PREP: variants seen among roughly 807,000 people sequenced by gnomAD.
The protein encoded by PREP is prolyl endopeptidase.
In PREP, 29 loss-of-function variants were observed where a neutral mutation model predicts 87.6. That is an observed-to-expected ratio of 0.33 (90% CI 0.25 to 0.45). PREP has a LOEUF of 0.45. PREP is among the 20% of genes least tolerant of loss of function. The probability of loss-of-function intolerance (pLI) is 1.00; values close to 1 mark genes in which losing one functional copy is unlikely to be tolerated. For synonymous variants in PREP, 337 were observed against 328.6 expected (o/e 1.03, Z -0.28); for missense variants, 695 against 886.5 (o/e 0.78, Z 2.74).
chr6:105,347,687 T>C (rs980758335), intron 7 of PREP, among the ~76,000 whole-genome samples: 1 of 152,134 alleles, frequency 6.6e-6, no homozygotes, highest in Non-Finnish European at 1.5e-5. Context: ...ATTTTGTCTA[T>C]GTAACTAAAG....
intron 7 of PREP, among the ~76,000 whole-genome samples, chr6:105,346,193 G>A (rs1321802141): frequency 6.6e-6 from 1 of 152,114 alleles, no homozygotes; most frequent in East Asian, 1.9e-4. Flanking sequence ...GCTAAGCTTT[G>A]GACAGCTCCT....
intron 4 of PREP, among the ~76,000 whole-genome samples, chr6:105,374,879 A>G (rs1772649091): frequency 6.6e-6 from 1 of 152,030 alleles, no homozygotes; most frequent in Non-Finnish European, 1.5e-5. Context: ...TCGCCCATCA[A>G]GGCTTTGTCC....
intron 5 of PREP, among the ~76,000 whole-genome samples, chr6:105,373,036 C>T (rs1772597976): frequency 6.6e-6 from 1 of 152,204 alleles, no homozygotes; most frequent in Admixed American, 6.5e-5. Context: ...GTCTGCTAGT[C>T]GTCCCAGCTG....
At chr6:105,290,393 CAT>C (rs1475872731) in intron 10 of PREP, among the ~76,000 whole-genome samples, 1 of 152,130 alleles carries the variant, frequency 6.6e-6, no homozygotes, top group East Asian at 1.9e-4. Flanking sequence ...AACCGTCTCA[CAT>C]GATGCTACCT....
intron 11 of PREP, 56 bp from the exon 12 acceptor site, chr6:105,285,636 CCTCT>C: frequency 7.1e-7 from 1 of 1,409,498 alleles, no homozygotes; most frequent in Admixed American, 1.7e-5. Flanking sequence ...AAGACCATGC[CCTCT>C]CTCTCCATCT....
chr6:105,381,606 C>A (rs115847836), intron 2 of PREP, among the ~76,000 whole-genome samples: 3 of 152,142 alleles, frequency 2.0e-5, no homozygotes, highest in African/African-American at 7.2e-5. Flanking sequence ...CCCTGATGCA[C>A]GCAGCTGAGC....
intron 7 of PREP, among the ~76,000 whole-genome samples, chr6:105,351,107 T>C (rs1218704858): frequency 1.3e-5 from 2 of 152,224 alleles, no homozygotes; most frequent in African/African-American, 4.8e-5. Context: ...TTGGCTAGGC[T>C]AGTATGCCTC....
chr6:105,371,477 G>A (rs2114706567), intron 5 of PREP, among the ~76,000 whole-genome samples: 1 of 136,094 alleles, frequency 7.3e-6, no homozygotes, highest in Non-Finnish European at 1.5e-5. Context: ...CTCCAGCCTG[G>A]GTGACACAGT....
chr6:105,313,575 A>G (rs1770802321), intron 10 of PREP, among the ~76,000 whole-genome samples: 1 of 152,206 alleles, frequency 6.6e-6, no homozygotes, highest in African/African-American at 2.4e-5. Context: ...TGCTAATCCT[A>G]TTAATTGTCT....
intron 4 of PREP, among the ~76,000 whole-genome samples, chr6:105,375,245 G>A (rs1352203876): frequency 6.6e-6 from 1 of 152,078 alleles, no homozygotes; most frequent in East Asian, 1.9e-4. Flanking sequence ...ATGGAACGGG[G>A]CTCTATAACT....
rs112063594 is a variant in PREP at position 105,294,142 on chromosome 6, G to T, written c.1318-5248C>A. The stretch of plus-strand genomic sequence containing the variant: ...ATCAGAGTCTACACCAGTGGTTTTT[G>T]AGCCTTATTGACTGGGCCTACATAT... On this transcript the variant is annotated intron_variant, in intron 10 of 14. Coordinates refer to ENST00000652536, the MANE Select transcript of PREP (RefSeq NM_002726.5). Among the ~76,000 whole-genome samples, 815 of 152,266 alleles carry T rather than the reference G, an allele frequency of 5.4e-3. 4 individuals carry two copies. Among genetic ancestry groups the T allele is most frequent in the Non-Finnish European group, 8.9e-3 (602 of 68,018 alleles).
At chr6:105,332,150 G>A (rs1418495030) in intron 8 of PREP, among the ~76,000 whole-genome samples, 1 of 152,112 alleles carries the variant, frequency 6.6e-6, no homozygotes, top group African/African-American at 2.4e-5. Flanking sequence ...GTGCAGTCAG[G>A]TGCCCAGGGG....
intron 1 of PREP, among the ~76,000 whole-genome samples, chr6:105,399,497 T>G (rs1773368080): frequency 6.6e-6 from 1 of 152,148 alleles, no homozygotes; most frequent in African/African-American, 2.4e-5. Context: ...ATTAAACAAC[T>G]GACTGAGCAA....
intron 7 of PREP, among the ~76,000 whole-genome samples, chr6:105,352,556 G>A (rs1324572072): frequency 1.3e-5 from 2 of 152,006 alleles, no homozygotes; most frequent in African/African-American, 2.4e-5. Context: ...TGGCTATGTT[G>A]CCCAGGCTGG....
At chr6:105,310,856 C>T (rs530701606) in intron 10 of PREP, among the ~76,000 whole-genome samples, 3 of 152,302 alleles carry the variant, frequency 2.0e-5, no homozygotes, top group African/African-American at 7.2e-5. Context: ...TTTGACACTG[C>T]CACTTGGATG....
rs556950875 is a variant in PREP, at chr6:105,275,564, G to A, written c.*2580C>T. On this transcript the variant is annotated 3_prime_UTR_variant, in exon 15 of 15. Transcript: ENST00000652536. ...CTAAACATATAAGTCCTCTGTGATC[G>A]AGCAATTCCACTACTGGGTATGAAT... 2.2e-4 allele frequency among the ~76,000 whole-genome samples: 34 copies of A among 152,164 alleles called. No homozygotes were observed. Among genetic ancestry groups the A allele is most frequent in the Non-Finnish European group, 4.7e-4 (32 of 67,990 alleles).
intron 9 of PREP, among the ~76,000 whole-genome samples, chr6:105,325,147 T>G (rs1315462384): frequency 6.6e-6 from 1 of 152,132 alleles, no homozygotes; most frequent in African/African-American, 2.4e-5. Flanking sequence ...TTTAAGAGCT[T>G]CTTGATCAGT....
chr6:105,306,343 T>G (rs956723760), intron 10 of PREP, among the ~76,000 whole-genome samples: 1 of 152,100 alleles, frequency 6.6e-6, no homozygotes, highest in African/African-American at 2.4e-5. Context: ...AAAGTCTGTA[T>G]GTGGAGTGCA....
At chr6:105,360,973 ACATAC>A (rs1305253574) in intron 6 of PREP, among the ~76,000 whole-genome samples, 1 of 152,222 alleles carries the variant, frequency 6.6e-6, no homozygotes, top group African/African-American at 2.4e-5. Flanking sequence ...ACACACATAT[ACATAC>A]CATACATGTA....
Sources: gnomAD v4.1 joint callset for allele counts (sites outside exome capture counted in the v4.1 genomes callset) on GRCh38, gnomAD v4.1.1 for gene constraint, MANE v1.5 for transcripts, NCBI Gene and HGNC (gene_info 2026-07-23, HGNC 2026-07-21) for gene names.